Variants in SAP130 observed in about 807,000 individuals in gnomAD.
SAP130 encodes Sin3A associated protein 130.
In SAP130, 16 loss-of-function variants were observed where a neutral mutation model predicts 103.2. The observed-to-expected ratio is 0.16, with a 90% CI of 0.10 to 0.24. The LOEUF is 0.24. Among genes scored for constraint, SAP130 ranks in the 10% least tolerant of loss-of-function variants. The pLI is 1.00. For missense variants in SAP130, 990 were observed against 1,359.7 expected, an observed-to-expected ratio of 0.73 and a Z score of 4.28; for synonymous variants, 477 against 497.0, an observed-to-expected ratio of 0.96 and a Z score of 0.53.
chr2:128,014,527 G>A (rs1405281321), intron 5 of SAP130, among the ~76,000 whole-genome samples: 1 of 152,270 alleles, frequency 6.6e-6, no homozygotes, highest in East Asian at 1.9e-4. Flanking sequence ...TGTAGAGACA[G>A]GGTTTCGCCA....
intron 15 of SAP130, among the ~76,000 whole-genome samples, chr2:127,977,016 A>G (rs1436635105): frequency 6.6e-6 from 1 of 152,224 alleles, no homozygotes; most frequent in Non-Finnish European, 1.5e-5. Flanking sequence ...GTCTACAGGA[A>G]AAAACAAACA....
intron 11 of SAP130, among the ~76,000 whole-genome samples, chr2:127,995,372 A>T (rs1317081766): frequency 2.0e-5 from 3 of 152,240 alleles, no homozygotes; most frequent in African/African-American, 7.2e-5. Flanking sequence ...GGCGAAATCC[A>T]CAGAAGCAGA....
chr2:128,017,979 A>T (rs898476762), intron 2 of SAP130, 64 bp from the exon 3 acceptor site: 2 of 1,313,922 alleles, frequency 1.5e-6, no homozygotes, highest in African/African-American at 2.9e-5. Flanking sequence ...AGCAGCACAG[A>T]CAAGAGTGGT....
intron 1 of SAP130, chr2:128,027,254 T>C: frequency 8.7e-7 from 1 of 1,153,006 alleles, no homozygotes; most frequent in Non-Finnish European, 1.1e-6. Flanking sequence ...CTGGCCCCAC[T>C]CACCCCCGCC....
At chr2:127,981,226 A>G (rs1681847564) in intron 14 of SAP130, among the ~76,000 whole-genome samples, 1 of 151,790 alleles carries the variant, frequency 6.6e-6, no homozygotes, top group Admixed American at 6.6e-5. Flanking sequence ...ACCTCGCACA[A>G]CAAAGCTGGC....
At chr2:127,967,144 A>T (rs2461441) in intron 15 of SAP130, among the ~76,000 whole-genome samples, 5 of 152,042 alleles carry the variant, frequency 3.3e-5, no homozygotes, top group Admixed American at 3.3e-4. Context: ...AAAGGGCATA[A>T]AGTTTCAGTT....
rs61211577 is a variant in SAP130, at chr2:128,003,957, C to CTTTTTTTTTTTTTTTTTT, written c.870-3521_870-3504dup. 1.8e-3 allele frequency among the ~76,000 whole-genome samples: 123 copies of CTTTTTTTTTTTTTTTTTT among 67,914 alleles called. 22 individuals are homozygous for CTTTTTTTTTTTTTTTTTT. The highest frequency in any genetic ancestry group is 3.0e-3 in the South Asian group (3 of 988). The allele number at this position is 67,914 out of a possible 152,430, so 44.6% of individuals were successfully genotyped here. ...ACTGTGTAGTTCTCCCACAGATCAG[C>CTTTTTTTTTTTTTTTTTT]TTTTTTTTTTTTTTTTTTTTTTTTT... On this transcript the variant is annotated intron_variant, in intron 7 of 20. Transcript: ENST00000643581.
intron 14 of SAP130, among the ~76,000 whole-genome samples, chr2:127,984,873 G>C (rs1682260662): frequency 6.6e-6 from 1 of 152,152 alleles, no homozygotes; most frequent in African/African-American, 2.4e-5. Flanking sequence ...GTAGAAAATG[G>C]GATTCTGGGC....
At chr2:127,984,762 T>C (rs1682250237) in intron 14 of SAP130, among the ~76,000 whole-genome samples, 1 of 152,170 alleles carries the variant, frequency 6.6e-6, no homozygotes, top group Admixed American at 6.6e-5. Context: ...AAAATACTCA[T>C]GACCTCTATA....
At position 127,942,602 on chromosome 2, in the gene SAP130, A is replaced by G; in HGVS notation, c.2902-65T>C. On this transcript the variant is annotated intron_variant, in intron 19 of 20. Coordinates refer to ENST00000643581, the MANE Select transcript of SAP130 (RefSeq NM_001330301.2). This position sits in a 1 kb window ranked among gnomAD's most constrained non-coding sequence, Gnocchi z 4.8. ...TATTTTTCTATGTCAACCCCAGGCA[A>G]ATGAACCCACCTTCAATCACCTTTG... is the stretch of plus-strand genomic sequence containing the variant. 2.2e-6 allele frequency: 2 copies of G among 930,168 alleles called. No homozygotes were observed. The highest frequency in any genetic ancestry group is 3.5e-6 in the Non-Finnish European group (2 of 567,222). 57.6% of individuals were successfully genotyped at this position (930,168 alleles called of 1,614,324 possible). A position where few individuals can be genotyped will look rare whatever the true frequency, so the allele number is the denominator to read the frequency against.
Position 127,977,989 on chromosome 2 carries a change from C to A in SAP130, c.2059G>T (p.Ala687Ser). Reference sequence around the variant, plus strand: ...GAAGAACACTTAGGTGCTCACCCTGCAGGCCTAGGTGACCCAGACGTACTC... The same window carrying A: ...GAAGAACACTTAGGTGCTCACCCTGAAGGCCTAGGTGACCCAGACGTACTC... The part of the protein sequence containing the change: ...MRSTSGSPRP[A>S]GAKPKSEIHV... Residue 687 changes from alanine to serine, a missense_variant, in exon 15 of 21, where the codon GCA becomes TCA. Physicochemically the swap from Ala to Ser is moderately conservative, Grantham distance 99 (BLOSUM62 1). Coordinates refer to ENST00000643581, the MANE Select transcript of SAP130 (RefSeq NM_001330301.2). 1.9e-6 allele frequency: 3 copies of A among 1,549,138 alleles called. No individual in the cohort carries two copies. The highest frequency in any genetic ancestry group is 2.6e-6 in the Non-Finnish European group (3 of 1,144,320).
chr2:128,004,361 C>CTT (rs71935874), intron 7 of SAP130, among the ~76,000 whole-genome samples: 1,024 of 76,006 alleles, frequency 0.013, 33 homozygotes, highest in African/African-American at 0.028. Context: ...GCTTTCTTTC[C>CTT]TTTTTTTTTT....
Position 128,016,499 on chromosome 2 carries a change from G to A in SAP130, c.397C>T (p.Pro133Ser). 2 of 1,614,080 alleles carry A rather than the reference G, an allele frequency of 1.2e-6. No homozygotes were observed. Among genetic ancestry groups the A allele is most frequent in the Non-Finnish European group, 1.7e-6 (2 of 1,180,004 alleles). The change falls in exon 4 of 21, where the codon CCT becomes TCT. Residue 133 changes from proline to serine, a missense_variant. Pro to Ser is a moderately conservative substitution (Grantham distance 74, BLOSUM62 -1). Transcript: ENST00000643581. ...TTGGGGGGAAGTGACAGGGTAGAAG[G>A]TGGAGCAGGAGCAATGGGACGGCTA... ...MPSRPIAPAP[P>S]STLSLPPKVP... is the part of the protein sequence containing the mutation.
In SAP130 at chr2:127,986,705, C is replaced by T; in HGVS notation, c.1958+80G>A. On this transcript the variant is annotated intron_variant, in intron 14 of 20. Transcript: ENST00000643581. The surrounding 1 kb of genome is among the most constrained non-coding windows in gnomAD (Gnocchi z 4.7). ...AAATGAGAGATGAGTTTGATACCAGCATTAGATAAGAGTGCCTATTATGTA... is the reference window on the plus strand; with the variant it reads ...AAATGAGAGATGAGTTTGATACCAGTATTAGATAAGAGTGCCTATTATGTA... The T allele has an allele frequency of 7.2e-7, 1 of 1,386,048 alleles. No homozygotes were observed. The highest frequency in any genetic ancestry group is 1.3e-5 in the South Asian group (1 of 76,048). The allele number at this position is 1,386,048 out of a possible 1,614,324, so 85.9% of individuals were successfully genotyped here.
At chr2:127,987,499 T>C (rs1168218747) in intron 13 of SAP130, among the ~76,000 whole-genome samples, 1 of 152,178 alleles carries the variant, frequency 6.6e-6, no homozygotes, top group Non-Finnish European at 1.5e-5. Context: ...ACCATTATTT[T>C]TTCTTTGCTC....
chr2:128,007,198 A>G (rs1684043079), intron 7 of SAP130, among the ~76,000 whole-genome samples: 1 of 152,242 alleles, frequency 6.6e-6, no homozygotes, highest in Non-Finnish European at 1.5e-5. Flanking sequence ...TGGATTGAAA[A>G]TATTCAAAGG....
At chr2:127,991,975 CTTT>C (rs1202057990) in intron 12 of SAP130, among the ~76,000 whole-genome samples, 1 of 152,052 alleles carries the variant, frequency 6.6e-6, no homozygotes, top group Non-Finnish European at 1.5e-5. Flanking sequence ...TTTCTTTTGT[CTTT>C]TTTGTTTTTT....
intron 15 of SAP130, among the ~76,000 whole-genome samples, chr2:127,958,456 T>C (rs922250511): frequency 3.9e-5 from 6 of 152,150 alleles, no homozygotes; most frequent in African/African-American, 9.7e-5. Flanking sequence ...TTTTTGAACA[T>C]TGAGAACAAA....
At chr2:128,003,524 C>G (rs1683722873) in intron 7 of SAP130, among the ~76,000 whole-genome samples, 1 of 149,802 alleles carries the variant, frequency 6.7e-6, no homozygotes. Flanking sequence ...TCCTGAGTAC[C>G]TGGGACTACA....
Sources: gnomAD v4.1 joint callset for allele counts (sites outside exome capture counted in the v4.1 genomes callset) on GRCh38, gnomAD v4.1.1 for gene constraint, Gnocchi (gnomAD v3.1) non-coding constraint, MANE v1.5 for transcripts, NCBI Gene and HGNC (gene_info 2026-07-23, HGNC 2026-07-21) for gene names.